The following CAND1 variants were observed in gnomAD, a reference collection of about 807,000 sequenced individuals.
The protein encoded by CAND1 is cullin-associated NEDD8-dissociated protein 1.
A neutral mutation model predicts 108.5 loss-of-function variants in CAND1; 7 were observed. The ratio of observed to expected loss-of-function variants is 0.06; its 90% confidence interval spans 0.04 to 0.12. CAND1 has a LOEUF of 0.12. CAND1 is among the 10% of genes least tolerant of loss of function. The pLI, the probability that CAND1 is intolerant of heterozygous loss-of-function variation, is 1.00. For missense variants in CAND1, 941 were observed against 1,448.7 expected (o/e 0.65, Z 5.69); for synonymous variants, 534 against 512.0 (o/e 1.04, Z -0.58).
In CAND1 at chr12:67,302,391, T is replaced by G; in HGVS notation, c.1069T>G (p.Leu357Val). Residue 357 changes from leucine to valine, a missense_variant, in exon 8 of 15, where the codon TTG becomes GTG. Around this residue, in one of 9 missense-constraint regions of CAND1, gnomAD observed 697 missense variants for 942.0 expected, o/e 0.74. Transcript: ENST00000545606. ...AGTGAGACGTGCAGCTGCGAAGTGC[T>G]TGGATGCTGTAGTTAGCACAAGGCA... ...WKVRRAAAKC[L>V]DAVVSTRHEM... The G allele has an allele frequency of 6.2e-7, 1 of 1,614,126 alleles. No homozygotes were observed. Among genetic ancestry groups the G allele is most frequent in the Non-Finnish European group, 8.5e-7 (1 of 1,179,958 alleles).
At position 67,295,033 on chromosome 12, in the gene CAND1, G is replaced by C. The variant is rs1312750581; in HGVS notation, c.368G>C (p.Gly123Ala). The C allele has an allele frequency of 2.5e-6, 4 of 1,609,408 alleles. No homozygotes were observed. The East Asian group carries it at 6.7e-5, about 27-fold the overall frequency. Residue 123 changes from glycine (G) to alanine (A), a missense_variant and splice_region_variant, in exon 4 of 15, where the codon GGC becomes GCC. Around this residue, in one of 9 missense-constraint regions of CAND1, gnomAD observed 697 missense variants for 942.0 expected, o/e 0.74. Coordinates refer to ENST00000545606, the MANE Select transcript of CAND1 (RefSeq NM_018448.5). ...TATTATTGGCTTCTTATTCATGCAG[G>C]CTCTGCATTAGCTGCTAATGTATGT... ...VIGELPPASS[G>A]SALAANVCKK... is the part of the protein sequence containing the mutation.
intron 2 of CAND1, among the ~76,000 whole-genome samples, chr12:67,282,816 A>G (rs899673140): frequency 5.3e-5 from 8 of 152,230 alleles, no homozygotes; most frequent in African/African-American, 1.9e-4. Context: ...ATGATACGAT[A>G]GTTACAGAGA....
Position 67,303,739 on chromosome 12 carries a change from C to G in CAND1, c.1294-866C>G, listed in dbSNP as rs150616049. Among the ~76,000 whole-genome samples the G allele has an allele frequency of 8.3e-3, 1,256 of 152,230 alleles. 26 individuals carry two copies. The highest frequency in any genetic ancestry group is 0.029 in the African/African-American group (1,189 of 41,532). The stretch of plus-strand genomic sequence containing the variant: ...AGACCCTGTTTGTTTTACTGACTAG[C>G]AAAACATTAGGAAGTTTAGAGCAGA... On this transcript the variant is annotated intron_variant, in intron 8 of 14. Coordinates refer to ENST00000545606, the MANE Select transcript of CAND1 (RefSeq NM_018448.5).
chr12:67,296,705 G>A (rs113592971), intron 4 of CAND1, among the ~76,000 whole-genome samples: 9,753 of 152,146 alleles, frequency 0.064, 374 homozygotes, highest in African/African-American at 0.093. Context: ...AAAGTGCTGG[G>A]ATTATAGGCA....
intron 1 of CAND1, among the ~76,000 whole-genome samples, chr12:67,276,374 C>T: frequency 6.6e-6 from 1 of 152,156 alleles, no homozygotes; most frequent in East Asian, 1.9e-4. Context: ...CTTATATGGG[C>T]ATCCTGACAC....
rs747698578 is a variant in CAND1 at position 67,306,115 on chromosome 12, C to A, written c.2447C>A (p.Ala816Asp). Residue 816 changes from alanine (A) to aspartate (D), a missense_variant, in exon 10 of 15, where the codon GCT becomes GAT. By Grantham distance (126) the Ala-to-Asp change is moderately radical. Around this residue, in one of 9 missense-constraint regions of CAND1, gnomAD observed 697 missense variants for 942.0 expected, o/e 0.74. Transcript: ENST00000545606. ...CGAGCATGCCCTAAAGAGGGACCAG[C>A]TGTAGTAGGTCAGTTTATTCAAGAT... Reference protein sequence around the residue: ...LTRACPKEGPAVVGQFIQDVK... With the variant: ...LTRACPKEGPDVVGQFIQDVK... 6.2e-7 allele frequency: 1 copy of A among 1,614,136 alleles called. No homozygotes were observed. Among genetic ancestry groups the A allele is most frequent in the Non-Finnish European group, 8.5e-7 (1 of 1,180,006 alleles).
intron 2 of CAND1, among the ~76,000 whole-genome samples, chr12:67,286,397 A>G (rs1021061215): frequency 6.6e-6 from 1 of 152,144 alleles, no homozygotes; most frequent in Non-Finnish European, 1.5e-5. Flanking sequence ...CCCAAAGTCT[A>G]TCTACCACTT....
chr12:67,284,914 G>C (rs920244572), intron 2 of CAND1, among the ~76,000 whole-genome samples: 1 of 149,892 alleles, frequency 6.7e-6, no homozygotes, highest in Admixed American at 6.8e-5. Context: ...ACCACTTTAA[G>C]ACAGAGGGGT....
At chr12:67,275,499 C>T (rs1221151576) in intron 1 of CAND1, among the ~76,000 whole-genome samples, 2 of 151,752 alleles carry the variant, frequency 1.3e-5, no homozygotes, top group Non-Finnish European at 2.9e-5. Flanking sequence ...GCACTGTGGC[C>T]TGGGTGACAG....
At chr12:67,282,931 A>G (rs776986188) in intron 2 of CAND1, among the ~76,000 whole-genome samples, 3 of 152,180 alleles carry the variant, frequency 2.0e-5, no homozygotes, top group Non-Finnish European at 4.4e-5. Flanking sequence ...TATTTTTAGT[A>G]GGGTAAAGAA....
intron 6 of CAND1, among the ~76,000 whole-genome samples, chr12:67,298,454 T>C (rs183540558): frequency 6.6e-6 from 1 of 152,308 alleles, no homozygotes; most frequent in East Asian, 1.9e-4. Context: ...TACCATATTC[T>C]GAAAATCAGA....
intron 2 of CAND1, among the ~76,000 whole-genome samples, chr12:67,285,170 C>A (rs1427117354): frequency 2.6e-5 from 4 of 152,104 alleles, no homozygotes; most frequent in Admixed American, 2.6e-4. Flanking sequence ...AGAAATGTTA[C>A]AGTGGTGACC....
Position 67,306,428 on chromosome 12 carries a change from A to G in CAND1, c.2760A>G (p.Ala920=), listed in dbSNP as rs755208123. ...LHSLKEIISS[A]SVVGLKPYVE... is the part of the protein sequence containing the mutation. The stretch of plus-strand genomic sequence containing the variant: ...CCTTGAAGGAAATTATTAGCTCTGC[A>G]TCAGTGGTGGGCCTTAAACCATATG... The change falls in exon 10 of 15, where the codon GCA becomes GCG. Residue 920 remains alanine (A), a synonymous_variant. Transcript: ENST00000545606. The G allele has an allele frequency of 1.2e-6, 2 of 1,614,092 alleles. No individual in the cohort carries two copies. Among genetic ancestry groups the G allele is most frequent in the Non-Finnish European group, 1.7e-6 (2 of 1,179,982 alleles).
rs7977430 is a variant in CAND1 at position 67,316,702 on chromosome 12, T to C, written c.*3872T>C. On this transcript the variant is annotated 3_prime_UTR_variant, in exon 15 of 15. Coordinates refer to ENST00000545606, the MANE Select transcript of CAND1 (RefSeq NM_018448.5). ...GTGATTTTAGCAAGTTTAATTATTT[T>C]GCTGAGGTCTTAGAAGACAGAAAGC... 0.48 allele frequency: 73,515 copies of C among 152,090 alleles called. 19,293 individuals carry two copies. The highest frequency in any genetic ancestry group is 0.59 in the Non-Finnish European group (40,369 of 67,972). 9.4% of individuals were successfully genotyped at this position (152,090 alleles called of 1,614,324 possible).
At chr12:67,283,536 T>G (rs1397507603) in intron 2 of CAND1, among the ~76,000 whole-genome samples, 3 of 148,574 alleles carry the variant, frequency 2.0e-5, no homozygotes, top group African/African-American at 7.5e-5. Context: ...GGAGCCAAGA[T>G]CGTGCCACTG....
intron 2 of CAND1, among the ~76,000 whole-genome samples, chr12:67,283,748 A>G (rs1458956729): frequency 6.6e-6 from 1 of 152,192 alleles, no homozygotes; most frequent in Admixed American, 6.5e-5. Flanking sequence ...ATAAGTCTTT[A>G]AAAAAGTAAT....
At position 67,314,457 on chromosome 12, in the gene CAND1, T is replaced by TATGGTAAA. The variant is rs2044987778; in HGVS notation, c.*1628_*1629insTGGTAAAA. On this transcript the variant is annotated 3_prime_UTR_variant, in exon 15 of 15. Coordinates refer to ENST00000545606, the MANE Select transcript of CAND1 (RefSeq NM_018448.5). ...TGCCATTTCAAAATGTGGCAGGTGA[T>TATGGTAAA]AATCTTTTACCATAATTTGCATAAA... The TATGGTAAA allele has an allele frequency of 6.6e-6, 1 of 152,250 alleles. No individual in the cohort carries two copies. Among genetic ancestry groups the TATGGTAAA allele is most frequent in the Admixed American group, 6.5e-5 (1 of 15,290 alleles). The allele number at this position is 152,250 out of a possible 1,614,324, so 9.4% of individuals were successfully genotyped here.
intron 14 of CAND1, among the ~76,000 whole-genome samples, chr12:67,312,369 C>A (rs187413332): frequency 1.0e-3 from 159 of 152,104 alleles, no homozygotes; most frequent in African/African-American, 3.7e-3. Context: ...CTCTTTGTTA[C>A]AATCATTTGG....
Position 67,307,471 on chromosome 12 carries a change from C to A in CAND1, c.3004C>A (p.Pro1002Thr), listed in dbSNP as rs1461893220. 6.2e-7 allele frequency: 1 copy of A among 1,608,476 alleles called. No homozygotes were observed. The highest frequency in any genetic ancestry group is 1.7e-5 in the Admixed American group (1 of 59,670). Residue 1002 changes from proline to threonine, a missense_variant, in exon 11 of 15, where the codon CCA becomes ACA. This residue lies in a region of CAND1 where 106 missense variants were observed against 182.0 expected (regional missense o/e 0.58). Coordinates refer to ENST00000545606, the MANE Select transcript of CAND1 (RefSeq NM_018448.5). ...TISDHPQPID[P>T]LLKNCIGDFL... Reference sequence around the variant, plus strand: ...TTCTGACCATCCACAACCTATTGATCCACTGTTAAAGAACTGCATAGGTAA... The same window carrying A: ...TTCTGACCATCCACAACCTATTGATACACTGTTAAAGAACTGCATAGGTAA...
Sources: allele counts gnomAD v4.1 joint callset (sites outside exome capture counted in the v4.1 genomes callset), GRCh38; gene constraint gnomAD v4.1.1; regional missense constraint gnomAD v4.1.1; transcripts MANE v1.5; gene names NCBI Gene and HGNC (gene_info 2026-07-23, HGNC 2026-07-21).